BCAS3: variants seen among roughly 807,000 people sequenced by gnomAD.
BCAS3 encodes BCAS3 microtubule associated cell migration factor.
Under a neutral mutation model 116.1 loss-of-function variants are expected in BCAS3, and 53 were observed. The ratio of observed to expected loss-of-function variants is 0.46; its 90% CI spans 0.37 to 0.57. The LOEUF is 0.57. Ranked by LOEUF, BCAS3 falls within the 20% of genes least tolerant of loss-of-function variation. The probability of loss-of-function intolerance (pLI) is 0.00; values close to 1 mark genes in which losing one functional copy is unlikely to be tolerated. For synonymous variants in BCAS3, 391 were observed against 408.2 expected, an observed-to-expected ratio of 0.96 and a Z score of 0.51; for missense variants, 917 against 1,165.4, an observed-to-expected ratio of 0.79 and a Z score of 3.10.
chr17:61,260,284 G>A (rs1249469942), intron 22 of BCAS3, among the ~76,000 whole-genome samples: 1 of 152,046 alleles, frequency 6.6e-6, no homozygotes, highest in Non-Finnish European at 1.5e-5. Flanking sequence ...GAAAACAGTG[G>A]AGTTCCACAG....
At chr17:61,335,222 G>A (rs1041473752) in intron 22 of BCAS3, among the ~76,000 whole-genome samples, 3 of 152,306 alleles carry the variant, frequency 2.0e-5, no homozygotes, top group Admixed American at 1.3e-4. Flanking sequence ...TGCTCTGTAC[G>A]TTCACAGCAG....
chr17:60,932,815 T>A (rs1036407342), intron 13 of BCAS3, among the ~76,000 whole-genome samples: 1 of 150,716 alleles, frequency 6.6e-6, no homozygotes, highest in Non-Finnish European at 1.5e-5. Context: ...GATGGCAAAT[T>A]ATAATACATG....
intron 22 of BCAS3, among the ~76,000 whole-genome samples, chr17:61,294,257 G>A (rs1464834254): frequency 6.6e-6 from 1 of 151,986 alleles, no homozygotes; most frequent in Non-Finnish European, 1.5e-5. Context: ...AATATCATAT[G>A]TTTTTATTCC....
Position 61,122,639 on chromosome 17 carries a change from A to G in BCAS3, c.2425+38075A>G, listed in dbSNP as rs1408017619. Among the ~76,000 whole-genome samples the G allele has an allele frequency of 6.6e-6, 1 of 152,186 alleles. No individual in the cohort carries two copies. The highest frequency in any genetic ancestry group is 1.5e-5 in the Non-Finnish European group (1 of 68,040). ...TCAGAACAAACATTATCTTGCTCCC[A>G]TATGTTTTTGTAGGATCTTGAAAGG... On this transcript the variant is annotated intron_variant, in intron 22 of 23. Transcript: ENST00000407086. This position sits in a 1 kb window ranked among gnomAD's most constrained non-coding sequence, Gnocchi z 4.6.
chr17:60,802,389 T>TATATATAG, intron 6 of BCAS3, among the ~76,000 whole-genome samples: 1 of 149,104 alleles, frequency 6.7e-6, no homozygotes, highest in East Asian at 1.9e-4. Flanking sequence ...TATATATATA[T>TATATATAG]CCCCTTGTTT....
In BCAS3 at chr17:61,139,064, AAATT is replaced by A; in HGVS notation, c.2425+54502_2425+54505del. Among the ~76,000 whole-genome samples, 1 of 152,310 alleles carries A rather than the reference AAATT, an allele frequency of 6.6e-6. No individual in the cohort carries two copies. The highest frequency in any genetic ancestry group is 6.5e-5 in the Admixed American group (1 of 15,298). ...TTATTAAATCTATTAGATCTAGAAAAAATTAGAGACAGAGATGAATTTTTTATTC... is the reference window on the plus strand; with the variant it reads ...TTATTAAATCTATTAGATCTAGAAAAAGAGACAGAGATGAATTTTTTATTC... On this transcript the variant is annotated intron_variant, in intron 22 of 23. Transcript: ENST00000407086. This position sits in a 1 kb window ranked among gnomAD's most constrained non-coding sequence, Gnocchi z 4.7.
chr17:61,136,998 T>A lies in BCAS3; in HGVS notation c.2425+52434T>A, dbSNP rs2076676144. Among the ~76,000 whole-genome samples, 1 of 152,176 alleles carries A rather than the reference T, an allele frequency of 6.6e-6. No individual in the cohort carries two copies. Among genetic ancestry groups the A allele is most frequent in the African/African-American group, 2.4e-5 (1 of 41,432 alleles). Reference sequence around the variant, plus strand: ...CAAATGTAAGAATTATGAATTACATTTCAATAAAACTTTTTTAAAAAAAGT... The same window carrying A: ...CAAATGTAAGAATTATGAATTACATATCAATAAAACTTTTTTAAAAAAAGT... On this transcript the variant is annotated intron_variant, in intron 22 of 23. Coordinates refer to ENST00000407086, the MANE Select transcript of BCAS3 (RefSeq NM_017679.5). The surrounding 1 kb of genome is among the most constrained non-coding windows in gnomAD (Gnocchi z 4.4).
chr17:61,129,401 T>C (rs1343492509), intron 22 of BCAS3, among the ~76,000 whole-genome samples: 1 of 152,256 alleles, frequency 6.6e-6, no homozygotes, highest in Non-Finnish European at 1.5e-5. Context: ...CACCTTTTTA[T>C]AGCTCTCAGA....
At position 61,121,859 on chromosome 17, in the gene BCAS3, G is replaced by A. The variant is rs183519007; in HGVS notation, c.2425+37295G>A. 2.4e-4 allele frequency among the ~76,000 whole-genome samples: 37 copies of A among 152,168 alleles called. 1 individual carries two copies. In the East Asian group the frequency reaches 7.2e-3, roughly 30 times the overall value. The stretch of plus-strand genomic sequence containing the variant: ...AGTTCTCTGCCTCAGCCTCCCAAGT[G>A]GCTGGGATTACAGGCGCCTGCCACC... On this transcript the variant is annotated intron_variant, in intron 22 of 23. Transcript: ENST00000407086.
intron 22 of BCAS3, among the ~76,000 whole-genome samples, chr17:61,296,985 G>A (rs1417251320): frequency 1.3e-5 from 2 of 152,178 alleles, no homozygotes; most frequent in Admixed American, 6.5e-5. Flanking sequence ...TGATCAACAC[G>A]TGTTTCGGAA....
At chr17:60,792,981 G>A (rs184059449) in intron 6 of BCAS3, among the ~76,000 whole-genome samples, 1 of 152,048 alleles carries the variant, frequency 6.6e-6, no homozygotes, top group East Asian at 1.9e-4. Context: ...CATCTCAGTG[G>A]AATCATGTAA....
rs571239689 is a variant in BCAS3, at chr17:60,882,226, G to A, written c.662-7469G>A. The stretch of plus-strand genomic sequence containing the variant: ...GCATTTTTCCATGTGTTTTTTGGCT[G>A]CATAAATGTCTTCTTTTGAGAAGTG... On this transcript the variant is annotated intron_variant, in intron 9 of 23. Coordinates refer to ENST00000407086, the MANE Select transcript of BCAS3 (RefSeq NM_017679.5). Among the ~76,000 whole-genome samples the A allele has an allele frequency of 5.9e-5, 9 of 152,222 alleles. No homozygotes were observed. In the East Asian group the frequency reaches 1.7e-3, roughly 29 times the overall value.
At chr17:61,111,256 G>C (rs1367589320) in intron 22 of BCAS3, among the ~76,000 whole-genome samples, 1 of 152,052 alleles carries the variant, frequency 6.6e-6, no homozygotes, top group Non-Finnish European at 1.5e-5. Context: ...GACAAGCTGA[G>C]AGAAGAAGGC....
intron 22 of BCAS3, among the ~76,000 whole-genome samples, chr17:61,234,670 A>C (rs1453223844): frequency 6.6e-6 from 1 of 151,922 alleles, no homozygotes; most frequent in Non-Finnish European, 1.5e-5. Context: ...GCATTTCACC[A>C]ACCCATGGAC....
At chr17:60,948,351 C>T (rs913396281) in intron 14 of BCAS3, among the ~76,000 whole-genome samples, 2 of 152,142 alleles carry the variant, frequency 1.3e-5, no homozygotes, top group African/African-American at 4.8e-5. Context: ...GTCTCAAACT[C>T]CTGGCCTCGT....
chr17:61,383,946 G>C (rs2059724660), intron 23 of BCAS3: 1 of 67,618 alleles, frequency 1.5e-5, no homozygotes, highest in African/African-American at 3.9e-5. Context: ...GGGAACTAGG[G>C]TGGGTCTTCC....
rs528442232 is a variant in BCAS3 at position 61,122,797 on chromosome 17, C to T, written c.2425+38233C>T. On this transcript the variant is annotated intron_variant, in intron 22 of 23. Coordinates refer to ENST00000407086, the MANE Select transcript of BCAS3 (RefSeq NM_017679.5). The surrounding 1 kb of genome is among the most constrained non-coding windows in gnomAD (Gnocchi z 4.6). ...TATATGATGTTCATATATTTAGCAT[C>T]TGTTGTCAATACAGCAATGTAAGCT... Among the ~76,000 whole-genome samples the T allele has an allele frequency of 6.6e-6, 1 of 152,296 alleles. No individual in the cohort carries two copies. Among genetic ancestry groups the T allele is most frequent in the South Asian group, 2.1e-4 (1 of 4,828 alleles).
chr17:61,055,478 C>T (rs183509332), intron 19 of BCAS3, among the ~76,000 whole-genome samples: 4 of 152,196 alleles, frequency 2.6e-5, no homozygotes, highest in African/African-American at 7.2e-5. Flanking sequence ...ATGGATAGAC[C>T]CTTTCTTTGT....
chr17:61,165,217 T>C (rs941995183), intron 22 of BCAS3, among the ~76,000 whole-genome samples: 3 of 152,138 alleles, frequency 2.0e-5, no homozygotes, highest in Non-Finnish European at 4.4e-5. Flanking sequence ...TAGACACTTT[T>C]CTCCCAAAAG....
Sources: allele counts gnomAD v4.1 joint callset (sites outside exome capture counted in the v4.1 genomes callset), GRCh38; gene constraint gnomAD v4.1.1; non-coding constraint Gnocchi (gnomAD v3.1); transcripts MANE v1.5; gene names NCBI Gene and HGNC (gene_info 2026-07-23, HGNC 2026-07-21).